Variants in TCERG1L observed in about 807,000 individuals in gnomAD.
TCERG1L encodes transcription elongation regulator 1 like, also known as transcription elongation regulator 1-like protein.
Under a neutral mutation model 56.3 loss-of-function variants are expected in TCERG1L, and 37 were observed. That is an observed-to-expected ratio of 0.66 (90% confidence interval 0.51 to 0.87). The LOEUF is 0.87. Among genes scored for constraint, TCERG1L ranks in the 40% least tolerant of loss-of-function variants. TCERG1L has a pLI of 0.00. For synonymous variants in TCERG1L, 324 were observed against 326.3 expected, an observed-to-expected ratio of 0.99 and a Z score of 0.08; for missense variants, 799 against 774.2, an observed-to-expected ratio of 1.03 and a Z score of -0.38.
intron 3 of TCERG1L, among the ~76,000 whole-genome samples, chr10:131,296,075 T>C (rs1846686495): frequency 6.6e-6 from 1 of 152,196 alleles, no homozygotes; most frequent in African/African-American, 2.4e-5. Context: ...TTTTTTATTT[T>C]ATGAAAAGTG....
intron 9 of TCERG1L, among the ~76,000 whole-genome samples, chr10:131,114,890 C>T (rs1250244925): frequency 1.3e-5 from 2 of 152,208 alleles, no homozygotes; most frequent in East Asian, 1.9e-4. Flanking sequence ...GTCTCCTGCC[C>T]GATAATCCAA....
At chr10:131,096,842 C>T (rs1845252932) in intron 11 of TCERG1L, among the ~76,000 whole-genome samples, 1 of 148,734 alleles carries the variant, frequency 6.7e-6, no homozygotes, top group Admixed American at 6.7e-5. Context: ...GCCGAGATTG[C>T]ATCATTGCAC....
intron 6 of TCERG1L, among the ~76,000 whole-genome samples, chr10:131,157,311 AAT>A (rs1289058292): frequency 1.3e-5 from 2 of 152,222 alleles, no homozygotes; most frequent in Admixed American, 6.5e-5. Flanking sequence ...TTTAGAAAAT[AAT>A]ATGTTAAAAC....
intron 4 of TCERG1L, among the ~76,000 whole-genome samples, chr10:131,190,616 C>A (rs1410516839): frequency 1.4e-5 from 2 of 143,908 alleles, no homozygotes; most frequent in Non-Finnish European, 3.1e-5. Flanking sequence ...TGGTTTAACA[C>A]ACGCAAGTCA....
Position 131,141,818 on chromosome 10 carries a change from G to C in TCERG1L, c.1189+4688C>G, listed in dbSNP as rs1845741955. Among the ~76,000 whole-genome samples, 4 of 152,238 alleles carry C rather than the reference G, an allele frequency of 2.6e-5. No homozygotes were observed. In the South Asian group the frequency reaches 8.3e-4, roughly 32 times the overall value. On this transcript the variant is annotated intron_variant, in intron 7 of 11. Transcript: ENST00000368642. ...ATTCACTGGTGCATCCAGGAGCCTG[G>C]CTCAGCCCCTGCCCTGCCCACCCAG...
intron 4 of TCERG1L, among the ~76,000 whole-genome samples, chr10:131,174,084 G>C (rs918760547): frequency 6.6e-6 from 1 of 152,156 alleles, no homozygotes; most frequent in Non-Finnish European, 1.5e-5. Context: ...GGGTCCTCTG[G>C]TCCATCCCCA....
At chr10:131,093,436 G>A in intron 11 of TCERG1L, 118 bp from the exon 12 acceptor site, 1 of 1,258,746 alleles carries the variant, frequency 7.9e-7, no homozygotes, top group East Asian at 2.3e-5. Flanking sequence ...CTGGCCGTGG[G>A]TGGCAGGGCA....
chr10:131,288,856 C>T (rs1846575642), intron 3 of TCERG1L, among the ~76,000 whole-genome samples: 1 of 152,160 alleles, frequency 6.6e-6, no homozygotes, highest in African/African-American at 2.4e-5. Flanking sequence ...ACCGGACAGA[C>T]CCTCCCTCAG....
chr10:131,223,799 T>C (rs1442844635), intron 4 of TCERG1L, among the ~76,000 whole-genome samples: 1 of 151,950 alleles, frequency 6.6e-6, no homozygotes, highest in Admixed American at 6.6e-5. Context: ...TGAAGTCTCC[T>C]TTGGCAAGCA....
Position 131,106,444 on chromosome 10 carries a change from G to C in TCERG1L, c.1396-2090C>G, listed in dbSNP as rs925007814. ...CAGGGTTCACAAAGGAGCCTTGGGG[G>C]GTATTCCAGGACCAGCTGGTGGTGG... On this transcript the variant is annotated intron_variant, in intron 9 of 11. Coordinates refer to ENST00000368642, the MANE Select transcript of TCERG1L (RefSeq NM_174937.4). 5.9e-5 allele frequency among the ~76,000 whole-genome samples: 9 copies of C among 152,196 alleles called. 1 individual carries two copies. The highest frequency in any genetic ancestry group is 2.2e-4 in the African/African-American group (9 of 41,444).
chr10:131,271,254 G>T (rs548183710), intron 3 of TCERG1L, among the ~76,000 whole-genome samples: 1 of 152,358 alleles, frequency 6.6e-6, no homozygotes, highest in East Asian at 1.9e-4. Context: ...GCCCGGTGCA[G>T]TGGCAGGTGG....
chr10:131,138,396 A>C (rs1845697962), intron 7 of TCERG1L, among the ~76,000 whole-genome samples: 1 of 152,228 alleles, frequency 6.6e-6, no homozygotes, highest in Admixed American at 6.5e-5. Context: ...TACAGGCTTC[A>C]GGGGCATCAC....
intron 4 of TCERG1L, among the ~76,000 whole-genome samples, chr10:131,168,668 C>T (rs114271554): frequency 0.012 from 1,900 of 152,326 alleles, 45 homozygotes; most frequent in African/African-American, 0.043. Context: ...CTCTTTCACT[C>T]TGCACAGCGC....
chr10:131,108,415 C>T (rs1845375800), intron 9 of TCERG1L, among the ~76,000 whole-genome samples: 1 of 151,042 alleles, frequency 6.6e-6, no homozygotes, highest in Admixed American at 6.6e-5. Flanking sequence ...CATCTTCTAC[C>T]ACCCTTGCTT....
chr10:131,142,126 T>C (rs1845745383), intron 7 of TCERG1L, among the ~76,000 whole-genome samples: 1 of 152,162 alleles, frequency 6.6e-6, no homozygotes, highest in Non-Finnish European at 1.5e-5. Flanking sequence ...GATCATTCAT[T>C]GTGCAAAGAG....
At chr10:131,273,173 T>C (rs746931676) in intron 3 of TCERG1L, among the ~76,000 whole-genome samples, 9 of 152,160 alleles carry the variant, frequency 5.9e-5, no homozygotes, top group Non-Finnish European at 1.0e-4. Context: ...CCCTGCCCCA[T>C]GGCAATGGGT....
At chr10:131,227,250 C>T (rs546799964) in intron 4 of TCERG1L, among the ~76,000 whole-genome samples, 6 of 152,344 alleles carry the variant, frequency 3.9e-5, no homozygotes, top group African/African-American at 1.4e-4. Context: ...CATGGGAGGC[C>T]CCCAGCTCTA....
At chr10:131,271,415 G>C (rs904963976) in intron 3 of TCERG1L, among the ~76,000 whole-genome samples, 3 of 152,198 alleles carry the variant, frequency 2.0e-5, no homozygotes, top group Admixed American at 6.5e-5. Flanking sequence ...GTCTCTCCCT[G>C]CACTCTGCAG....
intron 6 of TCERG1L, among the ~76,000 whole-genome samples, chr10:131,152,547 T>C (rs1845876329): frequency 6.6e-6 from 1 of 152,220 alleles, no homozygotes; most frequent in Non-Finnish European, 1.5e-5. Context: ...TCCAAGTCTC[T>C]AGGAAGTTTC....
Sources: gnomAD v4.1 joint callset for allele counts (sites outside exome capture counted in the v4.1 genomes callset) on GRCh38, gnomAD v4.1.1 for gene constraint, MANE v1.5 for transcripts, NCBI Gene and HGNC (gene_info 2026-07-23, HGNC 2026-07-21) for gene names.